Variants in PPARGC1A observed in about 807,000 individuals in gnomAD.
PPARGC1A encodes the protein PPARG coactivator 1 alpha, also known as peroxisome proliferator-activated receptor gamma coactivator 1-alpha.
In PPARGC1A, 25 loss-of-function variants were observed where a neutral mutation model predicts 88.7. The ratio of observed to expected loss-of-function variants is 0.28; its 90% CI spans 0.21 to 0.39. The LOEUF is 0.39. Ranked by LOEUF, PPARGC1A falls within the 10% of genes least tolerant of loss-of-function variation. The pLI is 1.00. For missense variants in PPARGC1A, 880 were observed against 968.7 expected, an observed-to-expected ratio of 0.91 and a Z score of 1.22; for synonymous variants, 363 against 355.6, an observed-to-expected ratio of 1.02 and a Z score of -0.24.
At chr4:24,269,851 A>G in the PPARGC1A span, among the ~76,000 whole-genome samples, 1 of 152,212 alleles carries the variant, frequency 6.6e-6, no homozygotes, top group African/African-American at 2.4e-5. Flanking sequence ...ACTTGTATAA[A>G]GCTCTTAAAC....
At chr4:23,921,851 G>A in the PPARGC1A span, among the ~76,000 whole-genome samples, 3,033 of 152,208 alleles carry the variant, frequency 0.02, 71 homozygotes, top group South Asian at 0.12. Context: ...TCACCTAAAC[G>A]GAATACCTCT....
chr4:23,800,086 C>A (rs1445829445), intron 12 of PPARGC1A, among the ~76,000 whole-genome samples: 1 of 152,106 alleles, frequency 6.6e-6, no homozygotes, highest in Non-Finnish European at 1.5e-5. Flanking sequence ...ATGCACATCA[C>A]CTGTATCAAT....
chr4:24,098,838 T>C, the PPARGC1A span, among the ~76,000 whole-genome samples: 1 of 152,180 alleles, frequency 6.6e-6, no homozygotes, highest in African/African-American at 2.4e-5. Flanking sequence ...CGAAGCAAAA[T>C]AATGTAATAA....
chr4:24,041,861 T>C, the PPARGC1A span, among the ~76,000 whole-genome samples: 1 of 151,866 alleles, frequency 6.6e-6, no homozygotes, highest in Non-Finnish European at 1.5e-5. Flanking sequence ...TAAAGAGTCC[T>C]ACTTTCAGGT....
the PPARGC1A span, among the ~76,000 whole-genome samples, chr4:24,415,874 G>C: frequency 6.6e-6 from 1 of 152,156 alleles, no homozygotes; most frequent in Non-Finnish European, 1.5e-5. Flanking sequence ...TACTAAGGTT[G>C]AGGAGTGAGA....
At chr4:24,122,382 C>CGTAT in the PPARGC1A span, among the ~76,000 whole-genome samples, 8 of 70,010 alleles carry the variant, frequency 1.1e-4, no homozygotes, top group South Asian at 1.4e-3. Context: ...TGTGTGTATG[C>CGTAT]GTATGTGTGT....
At chr4:24,082,047 A>T in the PPARGC1A span, among the ~76,000 whole-genome samples, 8 of 152,250 alleles carry the variant, frequency 5.3e-5, no homozygotes, top group East Asian at 1.5e-3. Flanking sequence ...GGTTTCCAGG[A>T]CACTCTCCCT....
intron 2 of PPARGC1A, among the ~76,000 whole-genome samples, chr4:23,874,730 G>T (rs1714337677): frequency 6.6e-6 from 1 of 152,214 alleles, no homozygotes; most frequent in Non-Finnish European, 1.5e-5. Flanking sequence ...TTGATCAGGT[G>T]CCTGAGAACA....
At chr4:24,297,111 C>T in the PPARGC1A span, among the ~76,000 whole-genome samples, 2 of 152,156 alleles carry the variant, frequency 1.3e-5, no homozygotes, top group Non-Finnish European at 2.9e-5. Context: ...GTGATTCACA[C>T]TCGAAGCTAG....
chr4:24,056,744 T>C, the PPARGC1A span, among the ~76,000 whole-genome samples: 1 of 152,162 alleles, frequency 6.6e-6, no homozygotes, highest in South Asian at 2.1e-4. Context: ...ATAGCGTACT[T>C]ATCATACCAC....
chr4:24,323,259 A>G, the PPARGC1A span, among the ~76,000 whole-genome samples: 2 of 152,346 alleles, frequency 1.3e-5, no homozygotes, highest in South Asian at 4.1e-4. Flanking sequence ...AAGATAAATG[A>G]TGAGAAGCTT....
chr4:24,298,543 T>C, the PPARGC1A span, among the ~76,000 whole-genome samples: 2 of 152,166 alleles, frequency 1.3e-5, no homozygotes, highest in Non-Finnish European at 2.9e-5. Context: ...GCCCACATGA[T>C]TTTGCAGTTG....
the PPARGC1A span, among the ~76,000 whole-genome samples, chr4:23,973,872 A>C: frequency 1.6e-4 from 24 of 152,318 alleles, no homozygotes; most frequent in South Asian, 4.3e-3. Flanking sequence ...AAGGTATTGC[A>C]TCACCAAGTC....
At chr4:23,989,948 A>C in the PPARGC1A span, among the ~76,000 whole-genome samples, 1 of 149,338 alleles carries the variant, frequency 6.7e-6, no homozygotes, top group Admixed American at 6.7e-5. Context: ...ATTTGTACCT[A>C]CCATGAATGC....
At chr4:23,830,475 A>G (rs1280749769) in intron 3 of PPARGC1A, among the ~76,000 whole-genome samples, 1 of 152,220 alleles carries the variant, frequency 6.6e-6, no homozygotes, top group Non-Finnish European at 1.5e-5. Context: ...TCAGGGTACT[A>G]GGGAGCAAAG....
the PPARGC1A span, among the ~76,000 whole-genome samples, chr4:24,372,237 AC>A: frequency 2.0e-5 from 3 of 152,166 alleles, no homozygotes; most frequent in Non-Finnish European, 4.4e-5. Context: ...CTTTGAGTTA[AC>A]TTAAATGCCA....
At chr4:24,387,309 A>G in the PPARGC1A span, among the ~76,000 whole-genome samples, 1 of 152,216 alleles carries the variant, frequency 6.6e-6, no homozygotes, top group East Asian at 1.9e-4. Flanking sequence ...AACCTAGACA[A>G]TACCATTCAG....
At chr4:24,142,789 C>G in the PPARGC1A span, among the ~76,000 whole-genome samples, 1 of 152,130 alleles carries the variant, frequency 6.6e-6, no homozygotes, top group Admixed American at 6.6e-5. Context: ...AGAAGAAGAG[C>G]TTTCCAGAGA....
At chr4:24,208,550 T>C in the PPARGC1A span, among the ~76,000 whole-genome samples, 68 of 151,912 alleles carry the variant, frequency 4.5e-4, no homozygotes, top group South Asian at 0.013. Context: ...GTTTACTGAC[T>C]CATAACAAAT....
Sources: allele counts gnomAD v4.1 joint callset (sites outside exome capture counted in the v4.1 genomes callset), GRCh38; gene constraint gnomAD v4.1.1; transcripts MANE v1.5; gene names NCBI Gene and HGNC (gene_info 2026-07-23, HGNC 2026-07-21).